VPS13C: variants seen among roughly 807,000 people sequenced by gnomAD.
VPS13C encodes vacuolar protein sorting 13 homolog C, also known as intermembrane lipid transfer protein VPS13C.
In VPS13C, 358 loss-of-function variants were observed where a neutral mutation model predicts 456.8. The observed-to-expected ratio is 0.78, with a 90% CI of 0.72 to 0.86. The LOEUF (loss-of-function observed/expected upper bound fraction) is 0.86, where lower values mean the gene tolerates loss of function less well. Among genes scored for constraint, VPS13C ranks in the 40% least tolerant of loss-of-function variants. The probability of loss-of-function intolerance (pLI) is 0.00; values close to 1 mark genes in which losing one functional copy is unlikely to be tolerated. For synonymous variants in VPS13C, 1,578 were observed against 1,486.7 expected (o/e 1.06, Z -1.41); for missense variants, 4,818 against 4,385.4 (o/e 1.10, Z -2.79).
At chr15:61,946,214 C>A (rs933574050) in intron 44 of VPS13C, 93 bp downstream of exon 44, 5 of 995,530 alleles carry the variant, frequency 5.0e-6, no homozygotes, top group Non-Finnish European at 7.3e-6. Flanking sequence ...TGGTACATGA[C>A]AGATAATAAA....
At chr15:61,937,317 A>G (rs1458852094) in intron 47 of VPS13C, among the ~76,000 whole-genome samples, 1 of 152,246 alleles carries the variant, frequency 6.6e-6, no homozygotes, top group East Asian at 1.9e-4. Flanking sequence ...AAAGAACAAA[A>G]AATAGGAAGG....
chr15:61,963,386 T>C (rs1256860237), intron 32 of VPS13C, among the ~76,000 whole-genome samples: 1 of 151,910 alleles, frequency 6.6e-6, no homozygotes, highest in African/African-American at 2.4e-5. Context: ...AATGGGCTCA[T>C]AGATATTGTC....
intron 5 of VPS13C, among the ~76,000 whole-genome samples, chr15:62,032,897 A>G (rs1167781131): frequency 6.6e-6 from 1 of 151,798 alleles, no homozygotes; most frequent in Non-Finnish European, 1.5e-5. Context: ...CAAAGTCATC[A>G]GATTTATTTT....
At chr15:61,973,874 A>T (rs1291664279) in intron 25 of VPS13C, among the ~76,000 whole-genome samples, 2 of 152,130 alleles carry the variant, frequency 1.3e-5, no homozygotes, top group Admixed American at 6.6e-5. Flanking sequence ...GGGTATCATC[A>T]TGAGCTGGCT....
intron 1 of VPS13C, among the ~76,000 whole-genome samples, chr15:62,052,019 T>C (rs1199134152): frequency 6.6e-6 from 1 of 152,186 alleles, no homozygotes; most frequent in African/African-American, 2.4e-5. Context: ...GTTATACAAT[T>C]TTTTTGTGGC....
intron 1 of VPS13C, among the ~76,000 whole-genome samples, chr15:62,057,264 C>A (rs559290533): frequency 2.0e-5 from 3 of 152,020 alleles, no homozygotes; most frequent in Non-Finnish European, 4.4e-5. Context: ...AAATAGTTGT[C>A]AAAGAAGATT....
At position 61,982,582 on chromosome 15, in the gene VPS13C, A is replaced by G; in HGVS notation, c.1915-9T>C. ...ACTGCATTGACAGTTTTCTATAAGA[A>G]AATTTTTTTAACATAACCAAGTTAC... On this transcript the variant is annotated splice_polypyrimidine_tract_variant and intron_variant, in intron 20 of 84. Coordinates refer to ENST00000644861, the MANE Select transcript of VPS13C (RefSeq NM_020821.3). 1 of 1,587,960 alleles carries G rather than the reference A, an allele frequency of 6.3e-7. No individual in the cohort carries two copies. Among genetic ancestry groups the G allele is most frequent in the Non-Finnish European group, 8.5e-7 (1 of 1,170,788 alleles).
chr15:62,001,467 G>C (rs962036037), intron 15 of VPS13C, among the ~76,000 whole-genome samples: 13 of 152,232 alleles, frequency 8.5e-5, no homozygotes, highest in South Asian at 4.1e-4. Context: ...TATGTATCCA[G>C]TGTGTTTCTA....
At chr15:61,866,941 T>C (rs551179277) in intron 81 of VPS13C, 23 of 984,490 alleles carry the variant, frequency 2.3e-5, no homozygotes, top group Non-Finnish European at 2.5e-5. Flanking sequence ...AGCATGAAAG[T>C]TGCTAGATAA....
At chr15:61,968,580 T>C (rs912753506) in intron 28 of VPS13C, among the ~76,000 whole-genome samples, 3 of 152,140 alleles carry the variant, frequency 2.0e-5, no homozygotes, top group Non-Finnish European at 4.4e-5. Context: ...GATTTGTCCA[T>C]TCCTACATGC....
At chr15:61,938,387 T>A (rs2044299455) in intron 47 of VPS13C, among the ~76,000 whole-genome samples, 1 of 152,286 alleles carries the variant, frequency 6.6e-6, no homozygotes, top group African/African-American at 2.4e-5. Context: ...ATACCCTTTT[T>A]TAGCTGCAGC....
At chr15:61,916,108 T>C in intron 60 of VPS13C, 86 bp from the exon 61 acceptor site, 1 of 1,399,772 alleles carries the variant, frequency 7.1e-7, no homozygotes. Context: ...CTAAATAAAC[T>C]ACCAGATGCA....
At chr15:61,934,714 C>G (rs1019745280) in intron 48 of VPS13C, among the ~76,000 whole-genome samples, 3 of 152,098 alleles carry the variant, frequency 2.0e-5, no homozygotes, top group Non-Finnish European at 2.9e-5. Context: ...AGATTTTCTG[C>G]TAGACTAATG....
rs527707516 is a variant in VPS13C at position 61,927,950 on chromosome 15, C to A, written c.6287-630G>T. ...AGCAAACTATCGCAAGGACAAAAAA[C>A]CAAACACTGCATGTTCTCACTCATA... On this transcript the variant is annotated intron_variant, in intron 51 of 84. Coordinates refer to ENST00000644861, the MANE Select transcript of VPS13C (RefSeq NM_020821.3). Among the ~76,000 whole-genome samples, 33 of 151,490 alleles carry A rather than the reference C, an allele frequency of 2.2e-4. 3 individuals carry two copies. In the East Asian group the frequency reaches 6.2e-3, roughly 29 times the overall value.
Position 62,057,837 on chromosome 15 carries a change from T to G in VPS13C, c.100+2438A>C, listed in dbSNP as rs1446389455. On this transcript the variant is annotated intron_variant, in intron 1 of 84. Coordinates refer to ENST00000644861, the MANE Select transcript of VPS13C (RefSeq NM_020821.3). ...AATCTTCAAGCAGTATACTCCTCAATGTCATGGTAAAACCATTATCAGAAG... is the reference window on the plus strand; with the variant it reads ...AATCTTCAAGCAGTATACTCCTCAAGGTCATGGTAAAACCATTATCAGAAG... 2.0e-5 allele frequency among the ~76,000 whole-genome samples: 3 copies of G among 152,232 alleles called. No individual in the cohort carries two copies. In the East Asian group the frequency reaches 5.8e-4, roughly 29 times the overall value.
chr15:62,051,272 T>C (rs1219582661), intron 1 of VPS13C, among the ~76,000 whole-genome samples: 1 of 152,232 alleles, frequency 6.6e-6, no homozygotes, highest in African/African-American at 2.4e-5. Context: ...GACTTCAGAA[T>C]GCATATTGTA....
chr15:61,962,228 G>T (rs1339594508), intron 34 of VPS13C, 143 bp downstream of exon 34: 4 of 713,156 alleles, frequency 5.6e-6, no homozygotes, highest in Non-Finnish European at 8.6e-6. Flanking sequence ...TTAAATAGGG[G>T]TTTTGATCTC....
At chr15:61,880,471 C>G in intron 73 of VPS13C, 138 bp downstream of exon 73, 2 of 573,028 alleles carry the variant, frequency 3.5e-6, no homozygotes, top group Non-Finnish European at 6.0e-6. Context: ...AGAGAACTGT[C>G]TTAATTATTT....
intron 66 of VPS13C, 35 bp downstream of exon 66, chr15:61,907,229 T>C (rs781555620): frequency 1.3e-5 from 21 of 1,612,492 alleles, no homozygotes; most frequent in Non-Finnish European, 1.7e-5. Flanking sequence ...CACTGTCAGG[T>C]AACTCATATA....
Sources: allele counts gnomAD v4.1 joint callset (sites outside exome capture counted in the v4.1 genomes callset), GRCh38; gene constraint gnomAD v4.1.1; transcripts MANE v1.5; gene names NCBI Gene and HGNC (gene_info 2026-07-23, HGNC 2026-07-21).